CEP192: variants seen among roughly 807,000 people sequenced by gnomAD.
The protein encoded by CEP192 is centrosomal protein 192.
Under a neutral mutation model 271.8 loss-of-function variants are expected in CEP192, and 151 were observed. The ratio of observed to expected loss-of-function variants is 0.56; its 90% confidence interval spans 0.49 to 0.64. The LOEUF (loss-of-function observed/expected upper bound fraction) is 0.64. Among genes scored for constraint, CEP192 ranks in the 30% least tolerant of loss-of-function variants. CEP192 has a pLI of 0.00. For missense variants in CEP192, 2,910 were observed against 3,020.5 expected, an observed-to-expected ratio of 0.96 and a Z score of 0.86; for synonymous variants, 995 against 1,076.5, an observed-to-expected ratio of 0.92 and a Z score of 1.48.
intron 27 of CEP192, among the ~76,000 whole-genome samples, chr18:13,070,238 G>C (rs1468292124): frequency 6.6e-6 from 1 of 152,042 alleles, no homozygotes; most frequent in Non-Finnish European, 1.5e-5. Context: ...TCCACAGCCT[G>C]AATGACAAAG....
At chr18:13,072,876 C>T (rs2038084039) in intron 29 of CEP192, 31 bp downstream of exon 29, 1 of 1,566,168 alleles carries the variant, frequency 6.4e-7, no homozygotes, top group Non-Finnish European at 8.8e-7. Flanking sequence ...CTTGTTATGT[C>T]TTCTGTCTGG....
intron 44 of CEP192, among the ~76,000 whole-genome samples, chr18:13,121,206 G>A (rs2040642445): frequency 6.6e-6 from 1 of 152,212 alleles, no homozygotes; most frequent in Non-Finnish European, 1.5e-5. Context: ...GCCCTGAGAA[G>A]CAATTCCCAG....
intron 21 of CEP192, among the ~76,000 whole-genome samples, chr18:13,063,820 ATTTTT>A (rs111552814): frequency 1.5e-5 from 2 of 134,564 alleles, no homozygotes; most frequent in African/African-American, 5.6e-5. Flanking sequence ...ATTTTCCCCA[ATTTTT>A]TTTTTTTTTT....
rs1446804771 is a variant in CEP192 at position 13,037,296 on chromosome 18, A to G, written c.1594A>G (p.Ile532Val). 1 of 1,305,726 alleles carries G rather than the reference A, an allele frequency of 7.7e-7. No individual in the cohort carries two copies. Among genetic ancestry groups the G allele is most frequent in the East Asian group, 2.5e-5 (1 of 39,498 alleles). The allele number at this position is 1,305,726 out of a possible 1,614,324, so 80.9% of individuals were successfully genotyped here. Residue 532 changes from isoleucine (I) to valine (V), a missense_variant, in exon 12 of 45, where the codon ATA (isoleucine) becomes GTA (valine). Physicochemically the swap from Ile to Val is conservative, Grantham distance 29. Transcript: ENST00000506447. ...EEEFNKEHQF[I>V]QEENIDAHNT... is the part of the protein sequence containing the mutation. Reference sequence around the variant, plus strand: ...AGAATTTAATAAAGAGCATCAATTTATACAGGTTTGTAATTATTTGTTTTA... The same window carrying G: ...AGAATTTAATAAAGAGCATCAATTTGTACAGGTTTGTAATTATTTGTTTTA...
chr18:13,087,121 A>G lies in CEP192; in HGVS notation c.5721A>G (p.Lys1907=), dbSNP rs903322477. ...MVTVNGLVPG[K]ESKIVFSVRN... is the part of the protein sequence containing the mutation. Reference sequence around the variant, plus strand: ...CAGTGAATGGCTTAGTACCTGGCAAAGAAAGTAAAATTGTTTTTTCTGTCC... The same window carrying G: ...CAGTGAATGGCTTAGTACCTGGCAAGGAAAGTAAAATTGTTTTTTCTGTCC... The change falls in exon 31 of 45, where the codon AAA becomes AAG. Residue 1907 remains lysine (K), a synonymous_variant. Transcript: ENST00000506447. 1.2e-6 allele frequency: 2 copies of G among 1,614,130 alleles called. No homozygotes were observed. The highest frequency in any genetic ancestry group is 3.3e-5 in the Admixed American group (2 of 60,022).
chr18:12,994,781 A>G (rs1215980052), intron 1 of CEP192, among the ~76,000 whole-genome samples: 2 of 152,182 alleles, frequency 1.3e-5, no homozygotes, highest in South Asian at 2.1e-4. Flanking sequence ...TTTTCTAACA[A>G]TAGTTGTTCC....
chr18:13,103,611 A>G lies in CEP192; in HGVS notation c.6951+23A>G, dbSNP rs769534249. 3.8e-6 allele frequency: 6 copies of G among 1,560,260 alleles called. No individual in the cohort carries two copies. The South Asian group carries it at 6.7e-5, about 17-fold the overall frequency. On this transcript the variant is annotated intron_variant, in intron 39 of 44. Coordinates refer to ENST00000506447, the MANE Select transcript of CEP192 (RefSeq NM_032142.4). The stretch of plus-strand genomic sequence containing the variant: ...AAGGTCAGTCATGACTGCCTCAGAT[A>G]TAATCGTTTTAATGTTTAGACTTTA...
At chr18:13,086,137 T>G (rs1489365747) in intron 30 of CEP192, among the ~76,000 whole-genome samples, 1 of 152,222 alleles carries the variant, frequency 6.6e-6, no homozygotes, top group Non-Finnish European at 1.5e-5. Context: ...CTTTATTCTC[T>G]TTGTAGCAAT....
intron 4 of CEP192, among the ~76,000 whole-genome samples, chr18:13,012,550 A>T (rs962722810): frequency 6.6e-6 from 1 of 152,194 alleles, no homozygotes; most frequent in South Asian, 2.1e-4. Flanking sequence ...ATTTGTGTGA[A>T]TGGGGGTCTG....
intron 26 of CEP192, 61 bp downstream of exon 26, chr18:13,069,242 C>G: frequency 7.2e-7 from 1 of 1,380,946 alleles, no homozygotes; most frequent in East Asian, 2.3e-5. Context: ...GAGCTCCTTG[C>G]TTTCTGCAGG....
intron 40 of CEP192, among the ~76,000 whole-genome samples, chr18:13,107,736 A>T (rs904867729): frequency 6.6e-6 from 1 of 152,180 alleles, no homozygotes; most frequent in Non-Finnish European, 1.5e-5. Context: ...AATTGTTTTT[A>T]TTTTTCCTAT....
rs924394446 is a variant in CEP192, at chr18:13,071,071, C to T, written c.5207C>T (p.Pro1736Leu). The change falls in exon 28 of 45, where the codon CCT (proline) becomes CTT (leucine). Residue 1736 changes from proline (P) to leucine (L), a missense_variant. Physicochemically the swap from Pro to Leu is moderately conservative, Grantham distance 98 (BLOSUM62 -3). Transcript: ENST00000506447. Reference protein sequence around the residue: ...ILKIFVQPFGPQYEVVLKGEV... With the variant: ...ILKIFVQPFGLQYEVVLKGEV... ...AAAATATTTGTGCAGCCATTTGGAC[C>T]TCAGTATGAGGTAGTGTTAAAAGGC... 3.7e-6 allele frequency: 6 copies of T among 1,613,778 alleles called. No homozygotes were observed. The African/African-American group carries it at 8.0e-5, about 22-fold the overall frequency.
rs2036034373 is a variant in CEP192, at chr18:13,038,586, A to G, written c.1809+7A>G. On this transcript the variant is annotated splice_region_variant and intron_variant, in intron 13 of 44. Transcript: ENST00000506447. ...TGGTAACAATGTGAAAAGAGTAAGTATGGAATCTGTTGGAAGTGCTCACAG... is the reference window on the plus strand; with the variant it reads ...TGGTAACAATGTGAAAAGAGTAAGTGTGGAATCTGTTGGAAGTGCTCACAG... 4 of 1,547,714 alleles carry G rather than the reference A, an allele frequency of 2.6e-6. No individual in the cohort carries two copies. Among genetic ancestry groups the G allele is most frequent in the Admixed American group, 2.0e-5 (1 of 51,000 alleles).
Position 13,072,658 on chromosome 18 carries a change from C to T in CEP192, c.5349-97C>T, listed in dbSNP as rs916553356. On this transcript the variant is annotated intron_variant, in intron 28 of 44. Transcript: ENST00000506447. ...GAAATGGCTTGTATAGTTAGTCCATCTCTAGACATTGTGGTTGGTTTTAAT... is the reference window on the plus strand; with the variant it reads ...GAAATGGCTTGTATAGTTAGTCCATTTCTAGACATTGTGGTTGGTTTTAAT... 6 of 792,556 alleles carry T rather than the reference C, an allele frequency of 7.6e-6. No homozygotes were observed. The African/African-American group carries it at 8.5e-5, about 11-fold the overall frequency. The allele number at this position is 792,556 out of a possible 1,614,324, so 49.1% of individuals were successfully genotyped here. A position where few individuals can be genotyped will look rare whatever the true frequency, so the allele number is the denominator to read the frequency against.
At chr18:13,080,698 G>A (rs562966808) in intron 30 of CEP192, among the ~76,000 whole-genome samples, 1 of 152,248 alleles carries the variant, frequency 6.6e-6, no homozygotes, top group Admixed American at 6.5e-5. Context: ...GTGAGAGAGG[G>A]CATCCCTGTC....
At chr18:13,066,963 CTGTGTGTGTGTGTGTGTGTG>C (rs56795701) in intron 21 of CEP192, among the ~76,000 whole-genome samples, 4 of 143,512 alleles carry the variant, frequency 2.8e-5, no homozygotes, top group African/African-American at 2.6e-5. Context: ...GTGAGCACGT[CTGTGTGTGTGTGTGTGTGTG>C]TGTGTGTGTG....
In CEP192 at chr18:12,999,546, C is replaced by G. The variant is rs1028575480; in HGVS notation, c.122C>G (p.Ala41Gly). The G allele has an allele frequency of 5.2e-6, 8 of 1,550,478 alleles. No homozygotes were observed. The African/African-American group carries it at 1.1e-4, about 21-fold the overall frequency. The change falls in exon 2 of 45, where the codon GCT becomes GGT. Residue 41 changes from alanine (A) to glycine (G), a missense_variant. Coordinates refer to ENST00000506447, the MANE Select transcript of CEP192 (RefSeq NM_032142.4). ...TCTTCAAATCTTGGCTTGCCTGTTGCTGTTTCTACACTTGCTAGGGATAGA... is the reference window on the plus strand; with the variant it reads ...TCTTCAAATCTTGGCTTGCCTGTTGGTGTTTCTACACTTGCTAGGGATAGA... ...TLSSNLGLPV[A>G]VSTLARDRSS...
At chr18:13,108,383 G>A (rs2040053863) in intron 40 of CEP192, among the ~76,000 whole-genome samples, 1 of 152,114 alleles carries the variant, frequency 6.6e-6, no homozygotes, top group Non-Finnish European at 1.5e-5. Flanking sequence ...CAAAAGAGGA[G>A]AAAACATTCA....
rs552202874 is a variant in CEP192 at position 13,064,611 on chromosome 18, CAAAAAAAA to C, written c.4489-3208_4489-3201del. Among the ~76,000 whole-genome samples, 3 of 64,494 alleles carry C rather than the reference CAAAAAAAA, an allele frequency of 4.7e-5. No homozygotes were observed. In the East Asian group the frequency reaches 1.3e-3, roughly 27 times the overall value. The allele number at this position is 64,494 out of a possible 152,430, so 42.3% of individuals were successfully genotyped here. On this transcript the variant is annotated intron_variant, in intron 21 of 44. Transcript: ENST00000506447. ...TGGGCGACAGAGTGAGACTCCATCTCAAAAAAAAAAAAAAAAAAAGAGTTGACTGTAGG... is the reference window on the plus strand; with the variant it reads ...TGGGCGACAGAGTGAGACTCCATCTCAAAAAAAAAAAGAGTTGACTGTAGG...
Sources: allele counts gnomAD v4.1 joint callset (sites outside exome capture counted in the v4.1 genomes callset), GRCh38; gene constraint gnomAD v4.1.1; transcripts MANE v1.5; gene names NCBI Gene and HGNC (gene_info 2026-07-23, HGNC 2026-07-21).